Variants in SH3D19 observed in about 807,000 individuals in gnomAD.
SH3D19 encodes SH3 domain-containing protein 19.
SH3D19 carries 58 observed loss-of-function variants against 112.1 expected under a neutral mutation model. The observed-to-expected ratio is 0.52, with a 90% CI of 0.42 to 0.64. The LOEUF (loss-of-function observed/expected upper bound fraction) is 0.64, where lower values mean the gene tolerates loss of function less well. Ranked by LOEUF, SH3D19 falls within the 30% of genes least tolerant of loss-of-function variation. The pLI, the probability that SH3D19 is intolerant of heterozygous loss-of-function variation, is 0.00. For missense variants in SH3D19, 1,090 were observed against 1,263.4 expected (o/e 0.86, Z 2.08); for synonymous variants, 391 against 448.5 (o/e 0.87, Z 1.62).
intron 1 of SH3D19, among the ~76,000 whole-genome samples, chr4:151,240,683 G>A (rs1051944693): frequency 5.3e-5 from 8 of 151,888 alleles, no homozygotes; most frequent in African/African-American, 9.7e-5. Context: ...ATCCTCATAC[G>A]CTGCTGGTAG....
chr4:151,190,382 G>A (rs1033541474), intron 2 of SH3D19, among the ~76,000 whole-genome samples: 1 of 152,126 alleles, frequency 6.6e-6, no homozygotes, highest in Non-Finnish European at 1.5e-5. Context: ...AGACACTATG[G>A]GGAGAATGTC....
At chr4:151,264,114 C>T (rs1276026453) in intron 1 of SH3D19, among the ~76,000 whole-genome samples, 1 of 152,106 alleles carries the variant, frequency 6.6e-6, no homozygotes, top group African/African-American at 2.4e-5. Flanking sequence ...CAGCCACAGT[C>T]TTTTTATAAC....
In SH3D19 at chr4:151,174,792, G is replaced by C. The variant is rs761946820; in HGVS notation, c.1412C>G (p.Pro471Arg). Reference protein sequence around the residue: ...SLGEGPPANPPVPVLQSKPLV... With the variant: ...SLGEGPPANPRVPVLQSKPLV... ...GGGCTTGCTCTGCAGAACTGGAACT[G>C]GGGGGTTGGCTGGGGGCCCTTCTCC... Residue 471 changes from proline (P) to arginine (R), a missense_variant, in exon 7 of 20, where the codon CCA (proline) becomes CGA (arginine). Pro to Arg is a moderately radical substitution (Grantham distance 103). Coordinates refer to ENST00000604030, the MANE Select transcript of SH3D19 (RefSeq NM_001378122.1). The C allele has an allele frequency of 2.6e-6, 4 of 1,557,382 alleles. No homozygotes were observed. Among genetic ancestry groups the C allele is most frequent in the African/African-American group, 2.7e-5 (2 of 73,020 alleles).
chr4:151,237,143 G>A (rs1020210376), intron 1 of SH3D19, among the ~76,000 whole-genome samples: 8 of 152,186 alleles, frequency 5.3e-5, no homozygotes, highest in South Asian at 2.1e-4. Flanking sequence ...TGAAGCCAGC[G>A]AGACCACGAA....
At chr4:151,182,995 T>TTC (rs1480960186) in intron 3 of SH3D19, among the ~76,000 whole-genome samples, 5 of 150,410 alleles carry the variant, frequency 3.3e-5, no homozygotes, top group African/African-American at 9.7e-5. Flanking sequence ...ACTTTTTCTT[T>TTC]TTTTTTTTCT....
chr4:151,195,964 T>C (rs1234073577), intron 2 of SH3D19, among the ~76,000 whole-genome samples: 2 of 149,618 alleles, frequency 1.3e-5, no homozygotes, highest in South Asian at 2.1e-4. Flanking sequence ...CTCAAACCGG[T>C]CATCCTGGTT....
chr4:151,259,869 T>C (rs1772239301), intron 1 of SH3D19, among the ~76,000 whole-genome samples: 1 of 152,126 alleles, frequency 6.6e-6, no homozygotes, highest in African/African-American at 2.4e-5. Context: ...AATAGTTACA[T>C]TCTCCCACCC....
At chr4:151,158,041 A>G (rs954707773) in intron 9 of SH3D19, among the ~76,000 whole-genome samples, 3 of 152,210 alleles carry the variant, frequency 2.0e-5, no homozygotes, top group African/African-American at 7.2e-5. Context: ...CAGGATGACT[A>G]TAGTTAACAA....
chr4:151,133,008 T>A (rs1751052070), intron 16 of SH3D19, 26 bp downstream of exon 16: 1 of 1,582,168 alleles, frequency 6.3e-7, no homozygotes, highest in Non-Finnish European at 8.7e-7. Context: ...GGACATAACA[T>A]AATAAAAAAA....
At chr4:151,180,779 T>G (rs1760779411) in intron 3 of SH3D19, among the ~76,000 whole-genome samples, 1 of 150,192 alleles carries the variant, frequency 6.7e-6, no homozygotes, top group South Asian at 2.1e-4. Context: ...CTTTTTTTTT[T>G]CTGAGATGGG....
chr4:151,177,312 C>T (rs1405268415), intron 4 of SH3D19, among the ~76,000 whole-genome samples: 1 of 152,114 alleles, frequency 6.6e-6, no homozygotes, highest in African/African-American at 2.4e-5. Context: ...GTATAAAAGC[C>T]CATTAGTCAA....
chr4:151,149,046 A>T (rs1001639025), intron 10 of SH3D19, among the ~76,000 whole-genome samples: 1 of 152,168 alleles, frequency 6.6e-6, no homozygotes, highest in African/African-American at 2.4e-5. Context: ...CAAAAAAAAA[A>T]TAAATAAATA....
At position 151,264,532 on chromosome 4, in the gene SH3D19, G is replaced by A. The variant is rs1281905289; in HGVS notation, c.113-38446C>T. On this transcript the variant is annotated intron_variant, in intron 1 of 19. Coordinates refer to ENST00000604030, the MANE Select transcript of SH3D19 (RefSeq NM_001378122.1). The stretch of plus-strand genomic sequence containing the variant: ...AGTCAACAAGGTGTGAATATCAGGA[G>A]CTGAAGATCATTGGAGGCCATCTTG... 2.0e-5 allele frequency among the ~76,000 whole-genome samples: 3 copies of A among 151,876 alleles called. No homozygotes were observed. In the East Asian group the frequency reaches 5.8e-4, roughly 29 times the overall value.
At chr4:151,154,078 C>T (rs985395600) in intron 9 of SH3D19, among the ~76,000 whole-genome samples, 3 of 151,944 alleles carry the variant, frequency 2.0e-5, no homozygotes, top group Non-Finnish European at 2.9e-5. Context: ...TCTCCTGCCT[C>T]AGCCTCCCAA....
intron 1 of SH3D19, among the ~76,000 whole-genome samples, chr4:151,284,548 C>G (rs971898515): frequency 6.6e-6 from 1 of 152,150 alleles, no homozygotes; most frequent in African/African-American, 2.4e-5. Flanking sequence ...CTGCTAATTC[C>G]AAAATCAATC....
intron 1 of SH3D19, among the ~76,000 whole-genome samples, chr4:151,266,632 A>G (rs942892038): frequency 6.6e-6 from 1 of 152,188 alleles, no homozygotes; most frequent in African/African-American, 2.4e-5. Flanking sequence ...CTTGAATTTG[A>G]TCTCTTCTAG....
chr4:151,177,870 T>C (rs1353084731), intron 4 of SH3D19, among the ~76,000 whole-genome samples: 1 of 152,218 alleles, frequency 6.6e-6, no homozygotes, highest in Non-Finnish European at 1.5e-5. Flanking sequence ...GCTATAGTGA[T>C]TTAGGCATGA....
chr4:151,234,055 T>C (rs955814869), intron 1 of SH3D19, among the ~76,000 whole-genome samples: 1 of 152,230 alleles, frequency 6.6e-6, no homozygotes, highest in African/African-American at 2.4e-5. Context: ...TCCCATACTT[T>C]TTTTTGACTT....
chr4:151,165,267 G>C (rs1045767285), intron 8 of SH3D19, among the ~76,000 whole-genome samples: 1 of 152,066 alleles, frequency 6.6e-6, no homozygotes, highest in Non-Finnish European at 1.5e-5. Context: ...GCTTGAATCC[G>C]GGAGGCAGAG....
Sources: allele counts gnomAD v4.1 joint callset (sites outside exome capture counted in the v4.1 genomes callset), GRCh38; gene constraint gnomAD v4.1.1; transcripts MANE v1.5; gene names NCBI Gene and HGNC (gene_info 2026-07-23, HGNC 2026-07-21).